The following SYTL3 variants were observed in gnomAD, a reference collection of about 807,000 sequenced individuals.
SYTL3 encodes synaptotagmin like 3.
Under a neutral mutation model 82.1 loss-of-function variants are expected in SYTL3, and 88 were observed. The observed-to-expected ratio is 1.07, with a 90% confidence interval of 0.90 to 1.28. The LOEUF (loss-of-function observed/expected upper bound fraction) is 1.28. Ranked by LOEUF, SYTL3 falls within the 50% of genes most tolerant of loss-of-function variation. SYTL3 has a pLI of 0.00. For missense variants in SYTL3, 831 were observed against 757.6 expected (o/e 1.10, Z -1.14); for synonymous variants, 311 against 289.4 (o/e 1.07, Z -0.76).
upstream of SYTL3, among the ~76,000 whole-genome samples, chr6:158,649,204 C>A (rs954117295): frequency 6.6e-6 from 1 of 152,252 alleles, no homozygotes; most frequent in Non-Finnish European, 1.5e-5. Flanking sequence ...CTACACACTA[C>A]ATCAGCAGAA....
intron 17 of SYTL3, among the ~76,000 whole-genome samples, chr6:158,763,727 G>C (rs1473657311): frequency 6.6e-6 from 1 of 152,154 alleles, no homozygotes; most frequent in East Asian, 1.9e-4. Context: ...ATCTGCTAAA[G>C]AAACAAAAAT....
At chr6:158,668,876 G>A (rs1016203674) in intron 5 of SYTL3, among the ~76,000 whole-genome samples, 2 of 152,142 alleles carry the variant, frequency 1.3e-5, no homozygotes, top group Non-Finnish European at 2.9e-5. Flanking sequence ...CGGGGCATCC[G>A]AGAACCGAAG....
intron 13 of SYTL3, 24 bp downstream of exon 13, chr6:158,752,054 G>A (rs201899407): frequency 1.9e-6 from 3 of 1,543,546 alleles, no homozygotes; most frequent in Non-Finnish European, 2.6e-6. Context: ...AGATATTCCT[G>A]TGCAGAGTCC....
intron 11 of SYTL3, among the ~76,000 whole-genome samples, chr6:158,735,674 C>T (rs531498862): frequency 6.6e-6 from 1 of 152,290 alleles, no homozygotes; most frequent in East Asian, 1.9e-4. Flanking sequence ...CCACTTATTA[C>T]AGAAGTATAA....
chr6:158,678,624 A>G (rs1357855836), intron 5 of SYTL3, among the ~76,000 whole-genome samples: 1 of 152,198 alleles, frequency 6.6e-6, no homozygotes. Flanking sequence ...AACAGAATTC[A>G]GGGCTGTGAA....
intron 11 of SYTL3, among the ~76,000 whole-genome samples, chr6:158,733,487 C>T (rs536013485): frequency 9.1e-4 from 138 of 151,984 alleles, no homozygotes; most frequent in African/African-American, 2.6e-3. Flanking sequence ...CCACCACGCC[C>T]GGCTAATTTT....
At chr6:158,702,617 C>A (rs1781448231) in intron 6 of SYTL3, among the ~76,000 whole-genome samples, 1 of 151,990 alleles carries the variant, frequency 6.6e-6, no homozygotes, top group African/African-American at 2.4e-5. Context: ...GTCGTTTCCC[C>A]CCGGCTTTGT....
At chr6:158,761,599 C>T (rs915369203) in intron 15 of SYTL3, among the ~76,000 whole-genome samples, 15 of 152,086 alleles carry the variant, frequency 9.9e-5, no homozygotes, top group East Asian at 1.9e-4. Context: ...TGAGCCACCA[C>T]GCCCGGCCCA....
chr6:158,649,777 G>A (rs1310347819), upstream of SYTL3, among the ~76,000 whole-genome samples: 1 of 152,214 alleles, frequency 6.6e-6, no homozygotes, highest in Admixed American at 6.5e-5. Flanking sequence ...TCTCTGTAGG[G>A]AGTTTCCTTA....
Position 158,714,885 on chromosome 6 carries a change from G to A in SYTL3, c.595+1007G>A, listed in dbSNP as rs569837316. Among the ~76,000 whole-genome samples, 17 of 152,282 alleles carry A rather than the reference G, an allele frequency of 1.1e-4. No homozygotes were observed. The South Asian group carries it at 3.3e-3, about 30-fold the overall frequency. On this transcript the variant is annotated intron_variant, in intron 9 of 17. Transcript: ENST00000611299. ...ATGAGCCCTGTGTCAGCTGTCACAC[G>A]ATGACAATGGACATCAAAGCACTGC...
intron 11 of SYTL3, among the ~76,000 whole-genome samples, chr6:158,729,573 T>C (rs1004683362): frequency 1.3e-5 from 2 of 150,256 alleles, no homozygotes; most frequent in South Asian, 2.1e-4. Context: ...TTTCTTTTTT[T>C]TTTTTTTTTT....
chr6:158,705,536 C>G (rs13195873), intron 6 of SYTL3, among the ~76,000 whole-genome samples: 206 of 98,828 alleles, frequency 2.1e-3, no homozygotes, highest in Non-Finnish European at 2.4e-3. Flanking sequence ...CAGGGTAACA[C>G]TGAGGGCTGT....
At chr6:158,718,063 T>TA in intron 9 of SYTL3, 24 bp from the exon 10 acceptor site, 1 of 1,498,690 alleles carries the variant, frequency 6.7e-7, no homozygotes, top group Non-Finnish European at 8.9e-7. Flanking sequence ...TTCCCACCCA[T>TA]CAACCCTTGT....
intron 11 of SYTL3, among the ~76,000 whole-genome samples, chr6:158,738,404 C>T (rs950756965): frequency 6.6e-6 from 1 of 152,154 alleles, no homozygotes; most frequent in African/African-American, 2.4e-5. Context: ...TAACCAACCG[C>T]ATTTGCACCC....
intron 5 of SYTL3, among the ~76,000 whole-genome samples, chr6:158,677,223 G>T (rs1718949532): frequency 6.6e-6 from 1 of 152,122 alleles, no homozygotes; most frequent in African/African-American, 2.4e-5. Context: ...ATACTATGCA[G>T]CCATAAAAAA....
chr6:158,719,950 G>A (rs902696458), intron 10 of SYTL3, among the ~76,000 whole-genome samples: 2 of 152,122 alleles, frequency 1.3e-5, no homozygotes, highest in Non-Finnish European at 2.9e-5. Flanking sequence ...TTAGCCGGGT[G>A]TGGTGTCACA....
intron 5 of SYTL3, among the ~76,000 whole-genome samples, chr6:158,674,137 A>G (rs1245395346): frequency 7.0e-6 from 1 of 143,584 alleles, no homozygotes; most frequent in African/African-American, 2.7e-5. Context: ...TGATGATGAT[A>G]ATCTTCTCCC....
intron 10 of SYTL3, among the ~76,000 whole-genome samples, chr6:158,725,192 G>A (rs1003657987): frequency 4.6e-5 from 7 of 152,112 alleles, no homozygotes; most frequent in Non-Finnish European, 7.4e-5. Flanking sequence ...CATTTATTAA[G>A]GCTAAAATTT....
At chr6:158,717,724 G>A (rs1325287852) in intron 9 of SYTL3, among the ~76,000 whole-genome samples, 2 of 152,172 alleles carry the variant, frequency 1.3e-5, no homozygotes, top group Non-Finnish European at 2.9e-5. Context: ...AAGCCGGCTT[G>A]TTTGGTAGGC....
Sources: allele counts gnomAD v4.1 joint callset (sites outside exome capture counted in the v4.1 genomes callset), GRCh38; gene constraint gnomAD v4.1.1; transcripts MANE v1.5; gene names NCBI Gene and HGNC (gene_info 2026-07-23, HGNC 2026-07-21).